The following TMEM150B variants were observed in gnomAD, a reference collection of about 807,000 sequenced individuals.
The protein encoded by TMEM150B is transmembrane protein 150B.
A neutral mutation model predicts 25.2 loss-of-function variants in TMEM150B; 33 were observed. The ratio of observed to expected loss-of-function variants is 1.31; its 90% CI spans 0.99 to 1.75. TMEM150B has a LOEUF of 1.75. Among genes scored for constraint, TMEM150B ranks in the 40% most tolerant of loss-of-function variants. TMEM150B has a pLI of 0.00. For synonymous variants in TMEM150B, 133 were observed against 134.8 expected, an observed-to-expected ratio of 0.99 and a Z score of 0.09; for missense variants, 322 against 306.1, an observed-to-expected ratio of 1.05 and a Z score of -0.39.
intron 1 of TMEM150B, chr19:55,324,950 G>A (rs966115007): frequency 7.7e-6 from 7 of 905,030 alleles, no homozygotes; most frequent in Non-Finnish European, 9.2e-6. Context: ...GGGAGGGAGG[G>A]GTCCATGCTA....
At position 55,316,647 on chromosome 19, in the gene TMEM150B, G is replaced by A. The variant is rs1159567930; in HGVS notation, c.505+139C>T. ...ACCTGACCCCGAAGTCGGCATTCTC[G>A]ATGACAAAGCCATAATCCTGTGCAA... On this transcript the variant is annotated intron_variant, in intron 7 of 7. Transcript: ENST00000326652. 12 of 923,234 alleles carry A rather than the reference G, an allele frequency of 1.3e-5. No individual in the cohort carries two copies. In the Admixed American group the frequency reaches 2.6e-4, roughly 20 times the overall value. The allele number at this position is 923,234 out of a possible 1,614,324, so 57.2% of individuals were successfully genotyped here. A position where few individuals can be genotyped will look rare whatever the true frequency, so the allele number is the denominator to read the frequency against.
downstream of TMEM150B, chr19:55,311,884 C>T: frequency 6.2e-7 from 1 of 1,608,974 alleles, no homozygotes; most frequent in Non-Finnish European, 8.5e-7. Flanking sequence ...CTGCGGAACC[C>T]ACGAAAAACC....
downstream of TMEM150B, chr19:55,311,996 G>A (rs779328632): frequency 2.6e-6 from 4 of 1,554,540 alleles, no homozygotes; most frequent in South Asian, 4.7e-5. Flanking sequence ...ACCCAGAGCT[G>A]AGCAGCTCTC....
intron 1 of TMEM150B, among the ~76,000 whole-genome samples, chr19:55,323,457 G>C (rs143677777): frequency 6.6e-6 from 1 of 151,366 alleles, no homozygotes; most frequent in Non-Finnish European, 1.5e-5. Context: ...AAAAATGTGC[G>C]ACTCAGCGAC....
chr19:55,311,918 G>C, downstream of TMEM150B: 2 of 1,611,738 alleles, frequency 1.2e-6, no homozygotes, highest in African/African-American at 2.7e-5. Context: ...CAGACGAGAA[G>C]AACGGGGCCC....
downstream of TMEM150B, among the ~76,000 whole-genome samples, chr19:55,309,769 A>G (rs893654463): frequency 1.3e-5 from 2 of 152,244 alleles, no homozygotes; most frequent in Non-Finnish European, 2.9e-5. Flanking sequence ...CACTCGCCCA[A>G]GCAACCAGAG....
rs181240305 is a variant in TMEM150B, at chr19:55,322,017, C to G, written c.-58+631G>C. Among the ~76,000 whole-genome samples the G allele has an allele frequency of 8.5e-4, 129 of 152,294 alleles. 2 individuals are homozygous for G. Among genetic ancestry groups the G allele is most frequent in the East Asian group, 7.0e-3 (36 of 5,170 alleles). ...ATGACATCTCCATCCGAAAATTCCC[C>G]CAGCCAGACAAAGACTGCTCCTGCC... On this transcript the variant is annotated intron_variant, in intron 2 of 7. Coordinates refer to ENST00000326652, the MANE Select transcript of TMEM150B (RefSeq NM_001282011.2).
At chr19:55,312,148 C>A, downstream of TMEM150B, 1 of 643,982 alleles carries the variant, frequency 1.6e-6, no homozygotes, top group East Asian at 3.3e-5. Context: ...AAATAAGGCC[C>A]AAGGAACATG....
At chr19:55,313,509 C>G (rs2088884754) in intron 7 of TMEM150B, among the ~76,000 whole-genome samples, 3 of 152,168 alleles carry the variant, frequency 2.0e-5, no homozygotes, top group Admixed American at 2.0e-4. Flanking sequence ...CAGGCCCTTC[C>G]TGCTCACTCC....
At chr19:55,311,062 A>G (rs955311941), downstream of TMEM150B, among the ~76,000 whole-genome samples, 5 of 152,004 alleles carry the variant, frequency 3.3e-5, no homozygotes, top group Admixed American at 2.6e-4. Flanking sequence ...CCGGGTTTCA[A>G]ATGATTCTCC....
At chr19:55,317,721 C>T (rs2089053913) in intron 6 of TMEM150B, among the ~76,000 whole-genome samples, 1 of 151,446 alleles carries the variant, frequency 6.6e-6, no homozygotes, top group Admixed American at 6.6e-5. Context: ...GCAGAGGTTG[C>T]AGTGAGCCAA....
At chr19:55,321,264 C>T (rs73605160) in intron 2 of TMEM150B, among the ~76,000 whole-genome samples, 171 bp from the exon 3 acceptor site, 2 of 151,670 alleles carry the variant, frequency 1.3e-5, no homozygotes, top group African/African-American at 2.4e-5. Flanking sequence ...CCCTATCTCA[C>T]GCATTCTCCT....
At chr19:55,317,574 G>A (rs2089047118) in intron 6 of TMEM150B, among the ~76,000 whole-genome samples, 2 of 152,114 alleles carry the variant, frequency 1.3e-5, no homozygotes, top group South Asian at 4.1e-4. Context: ...GAGGTCAGGA[G>A]TTCGAGACCA....
At chr19:55,324,924 C>T in intron 1 of TMEM150B, 4 of 982,302 alleles carry the variant, frequency 4.1e-6, no homozygotes, top group Non-Finnish European at 4.8e-6. Flanking sequence ...TCACACAAAG[C>T]TATGAGGGAG....
chr19:55,322,960 T>G (rs1219879808), intron 1 of TMEM150B, among the ~76,000 whole-genome samples: 2 of 151,950 alleles, frequency 1.3e-5, no homozygotes, highest in Non-Finnish European at 2.9e-5. Flanking sequence ...GATCGGAGCC[T>G]CCACCCTTGG....
chr19:55,314,046 G>C (rs1226026891), intron 7 of TMEM150B, among the ~76,000 whole-genome samples: 1 of 152,068 alleles, frequency 6.6e-6, no homozygotes, highest in Non-Finnish European at 1.5e-5. Context: ...TTTTGAAACA[G>C]AGTCTCACTC....
intron 7 of TMEM150B, among the ~76,000 whole-genome samples, chr19:55,316,438 C>T (rs1372093202): frequency 6.6e-6 from 1 of 152,084 alleles, no homozygotes; most frequent in African/African-American, 2.4e-5. Flanking sequence ...ATTGGTCACT[C>T]GCTATGTGCC....
chr19:55,320,125 A>T lies in TMEM150B; in HGVS notation c.238T>A (p.Trp80Arg), dbSNP rs1156682101. The stretch of plus-strand genomic sequence containing the variant: ...TGGTTAGGCCACCTTCTGACGCCCC[A>T]GTCCCGGAGCTGGTGGTAACGGACA... Reference protein sequence around the residue: ...CIVRYHQLRDWGVRRWPNQLI... With the variant: ...CIVRYHQLRDRGVRRWPNQLI... Residue 80 changes from tryptophan to arginine, a missense_variant, in exon 6 of 8, where the codon TGG becomes AGG. Coordinates refer to ENST00000326652, the MANE Select transcript of TMEM150B (RefSeq NM_001282011.2). 3.7e-6 allele frequency: 6 copies of T among 1,614,042 alleles called. No individual in the cohort carries two copies. The highest frequency in any genetic ancestry group is 1.3e-5 in the African/African-American group (1 of 74,906).
At chr19:55,324,784 C>G (rs1379744784) in intron 1 of TMEM150B, 2 of 985,358 alleles carry the variant, frequency 2.0e-6, no homozygotes, top group Non-Finnish European at 2.4e-6. Context: ...TCTCGTCTTC[C>G]TCCTTTCGCT....
Sources: allele counts gnomAD v4.1 joint callset (sites outside exome capture counted in the v4.1 genomes callset), GRCh38; gene constraint gnomAD v4.1.1; transcripts MANE v1.5; gene names NCBI Gene and HGNC (gene_info 2026-07-23, HGNC 2026-07-21).